LRBA: variants seen among roughly 807,000 people sequenced by gnomAD.
LRBA encodes the protein LPS responsive beige-like anchor protein.
A neutral mutation model predicts 330.0 loss-of-function variants in LRBA; 176 were observed. The observed-to-expected ratio is 0.53, with a 90% CI of 0.47 to 0.60. LRBA has a LOEUF of 0.60. Ranked by LOEUF, LRBA falls within the 20% of genes least tolerant of loss-of-function variation. The pLI is 0.00. For synonymous variants in LRBA, 1,230 were observed against 1,193.0 expected, an observed-to-expected ratio of 1.03 and a Z score of -0.64; for missense variants, 3,259 against 3,444.8, an observed-to-expected ratio of 0.95 and a Z score of 1.35.
At chr4:150,494,077 C>T (rs981540126) in intron 40 of LRBA, among the ~76,000 whole-genome samples, 1 of 151,994 alleles carries the variant, frequency 6.6e-6, no homozygotes, top group Non-Finnish European at 1.5e-5. Flanking sequence ...ATACAACATC[C>T]TGTCTCTAAA....
At chr4:150,408,248 TAA>T (rs1201393687) in intron 47 of LRBA, among the ~76,000 whole-genome samples, 1 of 151,966 alleles carries the variant, frequency 6.6e-6, no homozygotes, top group African/African-American at 2.4e-5. Flanking sequence ...AAAATGATAA[TAA>T]GTCATACTAT....
At chr4:150,589,372 G>A (rs754460831) in intron 39 of LRBA, among the ~76,000 whole-genome samples, 1 of 152,134 alleles carries the variant, frequency 6.6e-6, no homozygotes, top group Non-Finnish European at 1.5e-5. Context: ...GATCAGAGCA[G>A]GTTTTGCCCT....
intron 34 of LRBA, among the ~76,000 whole-genome samples, chr4:150,772,413 T>C (rs1736707829): frequency 6.6e-6 from 1 of 152,150 alleles, no homozygotes; most frequent in African/African-American, 2.4e-5. Flanking sequence ...TGCAACTTAC[T>C]TGTGTTTTCA....
chr4:150,401,772 C>A (rs1209227150), intron 47 of LRBA, among the ~76,000 whole-genome samples: 1 of 151,954 alleles, frequency 6.6e-6, no homozygotes, highest in Non-Finnish European at 1.5e-5. Context: ...TTAGGAGGTA[C>A]ACACTGAAAT....
intron 40 of LRBA, among the ~76,000 whole-genome samples, chr4:150,561,387 T>A (rs1415125401): frequency 6.6e-6 from 1 of 152,132 alleles, no homozygotes; most frequent in African/African-American, 2.4e-5. Flanking sequence ...ATTAATACCA[T>A]AAAAGGCAAA....
At chr4:150,354,656 C>G in intron 47 of LRBA, among the ~76,000 whole-genome samples, 1 of 151,912 alleles carries the variant, frequency 6.6e-6, no homozygotes, top group East Asian at 1.9e-4. Flanking sequence ...TGAAGCCTCA[C>G]ACGAATGTTC....
At chr4:150,754,341 A>G (rs1340763284) in intron 35 of LRBA, among the ~76,000 whole-genome samples, 1 of 147,740 alleles carries the variant, frequency 6.8e-6, no homozygotes, top group African/African-American at 2.7e-5. Context: ...TCACAAAATG[A>G]TAAACATTAA....
At chr4:150,700,447 T>C (rs908910315) in intron 36 of LRBA, among the ~76,000 whole-genome samples, 1 of 152,152 alleles carries the variant, frequency 6.6e-6, no homozygotes, top group Non-Finnish European at 1.5e-5. Flanking sequence ...GCACATACCA[T>C]GAATGGAGTT....
intron 2 of LRBA, among the ~76,000 whole-genome samples, chr4:150,961,037 C>T (rs1350045280): frequency 6.7e-6 from 1 of 149,000 alleles, no homozygotes; most frequent in East Asian, 1.9e-4. Context: ...TATGTATAGC[C>T]ACTTTGGCCG....
chr4:150,293,162 T>C (rs17688594), intron 53 of LRBA, among the ~76,000 whole-genome samples: 14,184 of 152,192 alleles, frequency 0.093, 944 homozygotes, highest in South Asian at 0.23. Flanking sequence ...ACCTCTATTT[T>C]ACATGTGCCT....
At chr4:150,711,504 C>A (rs1292861906) in intron 36 of LRBA, among the ~76,000 whole-genome samples, 1 of 152,108 alleles carries the variant, frequency 6.6e-6, no homozygotes, top group Non-Finnish European at 1.5e-5. Flanking sequence ...TCCCAAAATG[C>A]TGGGATTACA....
At chr4:150,295,730 C>T (rs1280166776) in intron 53 of LRBA, among the ~76,000 whole-genome samples, 1 of 152,138 alleles carries the variant, frequency 6.6e-6, no homozygotes, top group East Asian at 1.9e-4. Context: ...TATGTAGCTT[C>T]GTGATCTTTT....
chr4:150,802,400 G>A (rs949702639), intron 33 of LRBA, among the ~76,000 whole-genome samples: 1 of 150,798 alleles, frequency 6.6e-6, no homozygotes, highest in South Asian at 2.1e-4. Context: ...TAGCTGATGT[G>A]TAATAGTGAA....
At chr4:150,609,235 A>G (rs921611229) in intron 37 of LRBA, among the ~76,000 whole-genome samples, 3 of 152,234 alleles carry the variant, frequency 2.0e-5, no homozygotes, top group Non-Finnish European at 4.4e-5. Context: ...TCAGGAATCC[A>G]GCTTTAAGAG....
rs150019122 is a variant in LRBA at position 150,777,315 on chromosome 4, G to A, written c.5581-15468C>T. On this transcript the variant is annotated intron_variant, in intron 34 of 56. Transcript: ENST00000651943. ...TTTGAGTTTATTTCCATTTCTACTC[G>A]TAGTAATACTACCCTTTTTTATAAG... Among the ~76,000 whole-genome samples the A allele has an allele frequency of 4.6e-3, 699 of 151,568 alleles. 6 individuals are homozygous for A. Among genetic ancestry groups the A allele is most frequent in the African/African-American group, 0.016 (666 of 41,318 alleles).
chr4:150,523,149 T>A (rs1763104567), intron 40 of LRBA, among the ~76,000 whole-genome samples: 1 of 152,220 alleles, frequency 6.6e-6, no homozygotes, highest in Non-Finnish European at 1.5e-5. Context: ...GTTAAGACTT[T>A]TGGTGCTATT....
At chr4:150,484,580 G>C (rs901872461) in intron 42 of LRBA, among the ~76,000 whole-genome samples, 2 of 151,224 alleles carry the variant, frequency 1.3e-5, no homozygotes, top group African/African-American at 4.9e-5. Flanking sequence ...TATTAATCTT[G>C]TCAAGAGACA....
intron 34 of LRBA, among the ~76,000 whole-genome samples, chr4:150,795,400 G>A (rs1325928133): frequency 6.6e-6 from 1 of 151,952 alleles, no homozygotes; most frequent in African/African-American, 2.4e-5. Context: ...TTGTGTATTT[G>A]CAACAGAGAA....
chr4:150,364,402 T>C (rs1739143730), intron 47 of LRBA, among the ~76,000 whole-genome samples: 1 of 152,252 alleles, frequency 6.6e-6, no homozygotes, highest in Non-Finnish European at 1.5e-5. Flanking sequence ...CTAAGAATGC[T>C]TAAGCAAATT....
Sources: allele counts gnomAD v4.1 joint callset (sites outside exome capture counted in the v4.1 genomes callset), GRCh38; gene constraint gnomAD v4.1.1; transcripts MANE v1.5; gene names NCBI Gene and HGNC (gene_info 2026-07-23, HGNC 2026-07-21).